Variants in SUGT1 observed in about 807,000 individuals in gnomAD.
The protein encoded by SUGT1 is SGT1 assembly cochaperone of MIS12 kinetochore complex.
Under a neutral mutation model 56.1 loss-of-function variants are expected in SUGT1, and 15 were observed. That is an observed-to-expected ratio of 0.27 (90% CI 0.18 to 0.41). SUGT1 has a LOEUF of 0.41. SUGT1 is among the 10% of genes least tolerant of loss of function. SUGT1 has a pLI of 1.00. For missense variants in SUGT1, 347 were observed against 382.2 expected (o/e 0.91, Z 0.77); for synonymous variants, 123 against 128.6 (o/e 0.96, Z 0.30).
intron 8 of SUGT1, among the ~76,000 whole-genome samples, chr13:52,665,417 C>CT (rs1321352422): frequency 6.6e-6 from 1 of 152,166 alleles, no homozygotes; most frequent in Non-Finnish European, 1.5e-5. Flanking sequence ...GTATTTAAGT[C>CT]TACTGGAAAG....
intron 11 of SUGT1, 142 bp from the exon 12 acceptor site, chr13:52,679,832 G>A: frequency 1.4e-6 from 1 of 713,132 alleles, no homozygotes; most frequent in South Asian, 3.0e-5. Flanking sequence ...CTATATACCA[G>A]AAAGACACTT....
At chr13:52,662,628 T>C (rs781766725) in intron 5 of SUGT1, 21 bp from the exon 6 acceptor site, 4 of 1,613,138 alleles carry the variant, frequency 2.5e-6, no homozygotes, top group South Asian at 2.2e-5. Flanking sequence ...AGTGATGTTA[T>C]AGTCAGTTTT....
chr13:52,679,914 A>T, intron 11 of SUGT1, 60 bp from the exon 12 acceptor site: 1 of 1,494,914 alleles, frequency 6.7e-7, no homozygotes, highest in Admixed American at 2.5e-5. Context: ...CAAAGTTTAC[A>T]TATTCTCGAC....
intron 3 of SUGT1, 31 bp from the exon 4 acceptor site, chr13:52,658,368 A>T: frequency 6.2e-7 from 1 of 1,608,104 alleles, no homozygotes; most frequent in Non-Finnish European, 8.5e-7. Context: ...TCTATAAATA[A>T]CTGACTAAAA....
chr13:52,679,230 T>C (rs939023669), intron 11 of SUGT1, among the ~76,000 whole-genome samples: 3 of 152,176 alleles, frequency 2.0e-5, no homozygotes, highest in African/African-American at 7.2e-5. Context: ...ATGCCTTTGG[T>C]CTTTGGAGCA....
In SUGT1 at chr13:52,697,239, A is replaced by G. The variant is rs1313495805; in HGVS notation, c.*9404A>G. 4 of 152,490 alleles carry G rather than the reference A, an allele frequency of 2.6e-5. No homozygotes were observed. Among genetic ancestry groups the G allele is most frequent in the Admixed American group, 2.6e-4 (4 of 15,270 alleles). The allele number at this position is 152,490 out of a possible 1,614,324, so 9.4% of individuals were successfully genotyped here. A position where few individuals can be genotyped will look rare whatever the true frequency, so the allele number is the denominator to read the frequency against. ...GTTGGTCTCTCAAACTCCTGGGTTCAAGCAGTCCTCCCACCTTGGCCTCCC... is the reference window on the plus strand; with the variant it reads ...GTTGGTCTCTCAAACTCCTGGGTTCGAGCAGTCCTCCCACCTTGGCCTCCC... On this transcript the variant is annotated 3_prime_UTR_variant, in exon 13 of 13. Transcript: ENST00000310528.
intron 2 of SUGT1, 100 bp downstream of exon 2, chr13:52,653,203 C>A: frequency 7.0e-7 from 1 of 1,425,378 alleles, no homozygotes; most frequent in Non-Finnish European, 9.7e-7. Flanking sequence ...CGGACAGGGA[C>A]CCAGGCTCTT....
rs1158677306 is a variant in SUGT1 at position 52,689,377 on chromosome 13, T to G, written c.*1542T>G. ...TTCTTAGGAAAATAGGATAGTGACT[T>G]TTGTATTCTGTATGTTAAATTTTCT... is the stretch of plus-strand genomic sequence containing the variant. On this transcript the variant is annotated 3_prime_UTR_variant, in exon 13 of 13. Coordinates refer to ENST00000310528, the MANE Select transcript of SUGT1 (RefSeq NM_006704.5). 6.6e-6 allele frequency: 1 copy of G among 152,180 alleles called. No homozygotes were observed. Among genetic ancestry groups the G allele is most frequent in the African/African-American group, 2.4e-5 (1 of 41,440 alleles). The allele number at this position is 152,180 out of a possible 1,614,324, so 9.4% of individuals were successfully genotyped here. A position where few individuals can be genotyped will look rare whatever the true frequency, so the allele number is the denominator to read the frequency against.
chr13:52,662,475 G>A (rs1962499939), intron 5 of SUGT1, among the ~76,000 whole-genome samples, 174 bp from the exon 6 acceptor site: 1 of 152,184 alleles, frequency 6.6e-6, no homozygotes, highest in African/African-American at 2.4e-5. Flanking sequence ...TAAACTATTG[G>A]TATATTTATA....
intron 2 of SUGT1, among the ~76,000 whole-genome samples, chr13:52,657,090 A>C (rs556453802): frequency 1.2e-4 from 18 of 152,318 alleles, no homozygotes; most frequent in African/African-American, 4.3e-4. Flanking sequence ...TGATTGTCTT[A>C]ACCTCCCTGA....
rs1042372406 is a variant in SUGT1 at position 52,694,778 on chromosome 13, C to T, written c.*6943C>T. On this transcript the variant is annotated 3_prime_UTR_variant, in exon 13 of 13. Transcript: ENST00000310528. ...CATTTTGGCTCACTGCAAGCTCCGC[C>T]TCCCGGTTCACGCCATTCTCATGCC... 1 of 152,310 alleles carries T rather than the reference C, an allele frequency of 6.6e-6. No homozygotes were observed. The allele number at this position is 152,310 out of a possible 1,614,324, so 9.4% of individuals were successfully genotyped here. A position where few individuals can be genotyped will look rare whatever the true frequency, so the allele number is the denominator to read the frequency against.
chr13:52,668,898 T>C (rs551923258), intron 10 of SUGT1, among the ~76,000 whole-genome samples: 5 of 151,966 alleles, frequency 3.3e-5, no homozygotes, highest in Non-Finnish European at 7.4e-5. Context: ...TGTGAATTAA[T>C]GATAAATGAC....
intron 12 of SUGT1, among the ~76,000 whole-genome samples, chr13:52,680,877 T>A (rs9536236): frequency 0.33 from 50,000 of 152,110 alleles, 8,844 homozygotes; most frequent in Admixed American, 0.44. Context: ...GGTCTCACTC[T>A]GTTGCCCAGG....
chr13:52,692,286 AC>A lies in SUGT1; in HGVS notation c.*4454del, dbSNP rs1415940232. ...GAACCCAGGCCTATCAGACTCCATT[AC>A]CCATACTTCTGACAACTGCAATCCT... On this transcript the variant is annotated 3_prime_UTR_variant, in exon 13 of 13. Transcript: ENST00000310528. 1 of 152,200 alleles carries A rather than the reference AC, an allele frequency of 6.6e-6. No individual in the cohort carries two copies. Among genetic ancestry groups the A allele is most frequent in the Non-Finnish European group, 1.5e-5 (1 of 68,048 alleles). 9.4% of individuals were successfully genotyped at this position (152,200 alleles called of 1,614,324 possible).
chr13:52,653,328 A>AG (rs1362889958), intron 2 of SUGT1, among the ~76,000 whole-genome samples: 1 of 152,048 alleles, frequency 6.6e-6, no homozygotes. Flanking sequence ...ACAGCTCCTG[A>AG]GAAAAACCTC....
intron 12 of SUGT1, among the ~76,000 whole-genome samples, chr13:52,682,827 T>G (rs985010093): frequency 9.2e-5 from 14 of 152,188 alleles, no homozygotes; most frequent in African/African-American, 2.7e-4. Flanking sequence ...TTCACAATTG[T>G]TTTTAGATAT....
rs1325812472 is a variant in SUGT1 at position 52,690,272 on chromosome 13, CAGAA to C, written c.*2440_*2443del. ...TAGATAATGGAAGCTTGTAAGCCTCCAGAAAGTTAAAACAAAAAACTTCTTTCTG... is the reference window on the plus strand; with the variant it reads ...TAGATAATGGAAGCTTGTAAGCCTCCAGTTAAAACAAAAAACTTCTTTCTG... On this transcript the variant is annotated 3_prime_UTR_variant, in exon 13 of 13. Coordinates refer to ENST00000310528, the MANE Select transcript of SUGT1 (RefSeq NM_006704.5). 2.0e-5 allele frequency: 3 copies of C among 152,120 alleles called. No individual in the cohort carries two copies. Among genetic ancestry groups the C allele is most frequent in the African/African-American group, 4.8e-5 (2 of 41,436 alleles). The allele number at this position is 152,120 out of a possible 1,614,324, so 9.4% of individuals were successfully genotyped here.
chr13:52,681,647 A>C (rs1458744079), intron 12 of SUGT1, among the ~76,000 whole-genome samples: 2 of 152,150 alleles, frequency 1.3e-5, no homozygotes, highest in East Asian at 3.9e-4. Context: ...AGGCTAGACC[A>C]GCCTGGACAA....
At chr13:52,686,253 G>A (rs1166265555) in intron 12 of SUGT1, among the ~76,000 whole-genome samples, 1 of 152,106 alleles carries the variant, frequency 6.6e-6, no homozygotes, top group African/African-American at 2.4e-5. Flanking sequence ...ATACAGACTT[G>A]TCAAATGTAA....
Sources: gnomAD v4.1 joint callset for allele counts (sites outside exome capture counted in the v4.1 genomes callset) on GRCh38, gnomAD v4.1.1 for gene constraint, MANE v1.5 for transcripts, NCBI Gene and HGNC (gene_info 2026-07-23, HGNC 2026-07-21) for gene names.